NUP37: variants seen among roughly 807,000 people sequenced by gnomAD.
The protein encoded by NUP37 is nucleoporin Nup37.
A neutral mutation model predicts 45.4 loss-of-function variants in NUP37; 33 were observed. The observed-to-expected ratio is 0.73, with a 90% CI of 0.55 to 0.97. NUP37 has a LOEUF of 0.97. Ranked by LOEUF, NUP37 falls within the 50% of genes least tolerant of loss-of-function variation. NUP37 has a pLI of 0.00. For missense variants in NUP37, 365 were observed against 389.7 expected, an observed-to-expected ratio of 0.94 and a Z score of 0.53; for synonymous variants, 127 against 130.7, an observed-to-expected ratio of 0.97 and a Z score of 0.19.
intron 3 of NUP37, among the ~76,000 whole-genome samples, chr12:102,105,949 A>T (rs1315375211): frequency 3.3e-5 from 5 of 152,074 alleles, no homozygotes; most frequent in African/African-American, 1.2e-4. Context: ...ATTTGAAAAT[A>T]GGGTTTTGCA....
chr12:102,083,398 T>C (rs776323091), intron 6 of NUP37, among the ~76,000 whole-genome samples: 3 of 152,200 alleles, frequency 2.0e-5, no homozygotes, highest in Non-Finnish European at 4.4e-5. Flanking sequence ...ATTCTACTGA[T>C]GAAAGACTCA....
At position 102,077,332 on chromosome 12, in the gene NUP37, T is replaced by G; in HGVS notation, c.712A>C (p.Thr238Pro). 6.2e-7 allele frequency: 1 copy of G among 1,614,052 alleles called. No individual in the cohort carries two copies. The change falls in exon 7 of 10, where the codon ACT (threonine) becomes CCT (proline). Residue 238 changes from threonine to proline, a missense_variant. By Grantham distance (38) the Thr-to-Pro change is conservative (BLOSUM62 -1). Transcript: ENST00000552283. ...ATATCAAGAAAGTACCTGGACCGAG[T>G]AATATCCCAAATTAACCAATCATTT... ...AGNDWLIWDI[T>P]RSSYPQNKRP...
intron 8 of NUP37, 90 bp downstream of exon 8, chr12:102,076,707 G>C: frequency 2.9e-6 from 3 of 1,037,114 alleles, no homozygotes; most frequent in Admixed American, 2.3e-5. Flanking sequence ...AAAAAATCCA[G>C]TGCAAAGAAG....
At chr12:102,098,189 A>C (rs1319989671) in intron 5 of NUP37, among the ~76,000 whole-genome samples, 1 of 152,252 alleles carries the variant, frequency 6.6e-6, no homozygotes, top group East Asian at 1.9e-4. Context: ...CTGACTCCTC[A>C]GCTTATTTCC....
At chr12:102,117,398 C>T (rs898538617) in intron 2 of NUP37, among the ~76,000 whole-genome samples, 1 of 151,110 alleles carries the variant, frequency 6.6e-6, no homozygotes, top group Non-Finnish European at 1.5e-5. Flanking sequence ...TATAGTGAGC[C>T]GAGGTTGACC....
intron 5 of NUP37, among the ~76,000 whole-genome samples, chr12:102,093,007 T>C (rs1250626937): frequency 2.0e-5 from 3 of 152,252 alleles, no homozygotes; most frequent in South Asian, 4.1e-4. Flanking sequence ...GCAGTACTAA[T>C]GATAAAAGAT....
chr12:102,090,997 T>C (rs1314379067), intron 5 of NUP37, among the ~76,000 whole-genome samples: 1 of 152,184 alleles, frequency 6.6e-6, no homozygotes, highest in Non-Finnish European at 1.5e-5. Context: ...AATTTGAAAA[T>C]TCAGGTTTTA....
intron 2 of NUP37, among the ~76,000 whole-genome samples, chr12:102,117,634 G>C (rs1284977499): frequency 1.3e-5 from 2 of 152,056 alleles, no homozygotes; most frequent in African/African-American, 2.4e-5. Flanking sequence ...ACCACTGCTC[G>C]TATCAATGAC....
intron 5 of NUP37, among the ~76,000 whole-genome samples, chr12:102,089,337 G>C (rs189005823): frequency 0.039 from 5,782 of 147,226 alleles, 155 homozygotes; most frequent in African/African-American, 0.076. Flanking sequence ...GCCGGGCAGA[G>C]GCGCTCCTCA....
At chr12:102,089,040 T>G (rs528276877) in intron 5 of NUP37, among the ~76,000 whole-genome samples, 170 of 152,274 alleles carry the variant, frequency 1.1e-3, no homozygotes, top group African/African-American at 4.0e-3. Flanking sequence ...GGTTATAGAT[T>G]AACAGCATCC....
At position 102,074,385 on chromosome 12, in the gene NUP37, T is replaced by C. The variant is rs1231867992; in HGVS notation, c.950A>G (p.His317Arg). 6.2e-7 allele frequency: 1 copy of C among 1,612,986 alleles called. No homozygotes were observed. Among genetic ancestry groups the C allele is most frequent in the Non-Finnish European group, 8.5e-7 (1 of 1,179,266 alleles). Residue 317 changes from histidine (H) to arginine (R), a missense_variant, in exon 10 of 10, where the codon CAC (histidine) becomes CGC (arginine). Transcript: ENST00000552283. ...TLPLCVIGGDHKLLFWVTEV is the reference protein window; with the variant it reads ...TLPLCVIGGDRKLLFWVTEV The stretch of plus-strand genomic sequence containing the variant: ...TTCAGTCACCCAAAACAACAGCTTG[T>C]GGTCTCCTCCAATTACACACAGAGG...
At position 102,103,552 on chromosome 12, in the gene NUP37, T is replaced by C. The variant is rs577916134; in HGVS notation, c.282-2448A>G. On this transcript the variant is annotated intron_variant, in intron 3 of 9. Coordinates refer to ENST00000552283, the MANE Select transcript of NUP37 (RefSeq NM_024057.4). ...GAAACAGACAATTTAACTTCTTCCT[T>C]TCCTATTTGGATGCGTTTTAATTCT... Among the ~76,000 whole-genome samples the C allele has an allele frequency of 1.9e-3, 282 of 152,296 alleles. 3 individuals are homozygous for C. The highest frequency in any genetic ancestry group is 6.3e-3 in the African/African-American group (260 of 41,574).
intron 2 of NUP37, among the ~76,000 whole-genome samples, chr12:102,117,450 A>AT (rs1880497035): frequency 1.3e-5 from 2 of 151,872 alleles, no homozygotes; most frequent in South Asian, 2.1e-4. Context: ...TGAAAAAAAA[A>AT]AATAAAAATA....
chr12:102,106,903 G>T (rs1383768879), intron 3 of NUP37, among the ~76,000 whole-genome samples: 1 of 152,012 alleles, frequency 6.6e-6, no homozygotes, highest in East Asian at 1.9e-4. Flanking sequence ...CGACCTTCAG[G>T]CCTCCCAGAT....
At chr12:102,107,439 A>G (rs1027789519) in intron 3 of NUP37, among the ~76,000 whole-genome samples, 1 of 152,124 alleles carries the variant, frequency 6.6e-6, no homozygotes, top group Non-Finnish European at 1.5e-5. Context: ...AAGACAAGGA[A>G]AAAAAAGGGG....
intron 3 of NUP37, among the ~76,000 whole-genome samples, chr12:102,104,866 T>C (rs1402594429): frequency 6.6e-6 from 1 of 152,258 alleles, no homozygotes; most frequent in East Asian, 1.9e-4. Flanking sequence ...GCGATACGAT[T>C]TGAAATAAAG....
chr12:102,089,002 G>C (rs940278659), intron 5 of NUP37, among the ~76,000 whole-genome samples: 1 of 151,910 alleles, frequency 6.6e-6, no homozygotes, highest in Non-Finnish European at 1.5e-5. Flanking sequence ...GACACAGCAC[G>C]TTTCAGAGAG....
intron 5 of NUP37, among the ~76,000 whole-genome samples, chr12:102,093,911 A>C (rs937463111): frequency 6.6e-6 from 1 of 152,112 alleles, no homozygotes; most frequent in East Asian, 1.9e-4. Flanking sequence ...TTCATCTACA[A>C]GGGCATACAG....
chr12:102,084,412 G>A (rs1392057312), intron 6 of NUP37, among the ~76,000 whole-genome samples: 1 of 152,174 alleles, frequency 6.6e-6, no homozygotes, highest in Non-Finnish European at 1.5e-5. Flanking sequence ...ATGGGAGGCC[G>A]AGGTGGGCAG....
Sources: gnomAD v4.1 joint callset for allele counts (sites outside exome capture counted in the v4.1 genomes callset) on GRCh38, gnomAD v4.1.1 for gene constraint, MANE v1.5 for transcripts, NCBI Gene and HGNC (gene_info 2026-07-23, HGNC 2026-07-21) for gene names.